SYT15: variants seen among roughly 807,000 people sequenced by gnomAD.
SYT15 encodes the protein synaptotagmin 15.
Under a neutral mutation model 30.1 loss-of-function variants are expected in SYT15, and 4 were observed. That is an observed-to-expected ratio of 0.13 (90% CI 0.07 to 0.30). SYT15 has a LOEUF of 0.30. Ranked by LOEUF, SYT15 falls within the 10% of genes least tolerant of loss-of-function variation. The pLI is 1.00. For missense variants in SYT15, 49 were observed against 371.7 expected (o/e 0.13, Z 7.14); for synonymous variants, 19 against 166.3 (o/e 0.11, Z 6.82).
At chr10:46,586,503 A>G (rs1844954201) in intron 7 of SYT15, among the ~76,000 whole-genome samples, 1 of 95,738 alleles carries the variant, frequency 1.0e-5, no homozygotes, top group Admixed American at 1.0e-4. Flanking sequence ...CCGAGATCGC[A>G]CCACTGCATT....
chr10:46,591,885 A>AT lies in SYT15; in HGVS notation c.*4245dup, dbSNP rs1211754769. 8 of 139,774 alleles carry AT rather than the reference A, an allele frequency of 5.7e-5. No homozygotes were observed. The highest frequency in any genetic ancestry group is 2.0e-4 in the African/African-American group (7 of 35,190). 8.7% of individuals were successfully genotyped at this position (139,774 alleles called of 1,614,324 possible). A position where few individuals can be genotyped will look rare whatever the true frequency, so the allele number is the denominator to read the frequency against. On this transcript the variant is annotated 3_prime_UTR_variant, in exon 8 of 8. Coordinates refer to ENST00000374321, the MANE Select transcript of SYT15 (RefSeq NM_031912.5). The stretch of plus-strand genomic sequence containing the variant: ...GGCTTTCTCTACCACTCACAATGGT[A>AT]TTTTTTTCACTTTCCCCCTTATTTT...
rs1844994255 is a variant in SYT15 at position 46,586,714 on chromosome 10, G to A, written c.1124-791G>A. ...ACAAAAGTTAGCTAGGCGTGGTGGT[G>A]CACGCCTGTAGGCCCAACTACTCGG... is the stretch of plus-strand genomic sequence containing the variant. On this transcript the variant is annotated intron_variant, in intron 7 of 7. Transcript: ENST00000374321. 1.5e-5 allele frequency among the ~76,000 whole-genome samples: 2 copies of A among 129,600 alleles called. 1 individual carries two copies. The highest frequency in any genetic ancestry group is 5.2e-4 in the South Asian group (2 of 3,850). 85.0% of individuals were successfully genotyped at this position (129,600 alleles called of 152,430 possible).
intron 6 of SYT15, among the ~76,000 whole-genome samples, chr10:46,584,875 CT>C (rs1173835099): frequency 8.3e-6 from 1 of 120,360 alleles, no homozygotes; most frequent in Non-Finnish European, 1.7e-5. Context: ...GGCCCTGCCC[CT>C]CCTGTTTCCC....
Position 46,591,468 on chromosome 10 carries a change from GTAAA to G in SYT15, c.*3834_*3837del, listed in dbSNP as rs562445049. ...AAGTATAAACAAAAAAATAAAATAA[GTAAA>G]TAAATAAATAAAATTTAGATTAATT... On this transcript the variant is annotated 3_prime_UTR_variant, in exon 8 of 8. Coordinates refer to ENST00000374321, the MANE Select transcript of SYT15 (RefSeq NM_031912.5). 0.042 allele frequency: 4,237 copies of G among 100,684 alleles called. 254 individuals are homozygous for G. The highest frequency in any genetic ancestry group is 0.057 in the Non-Finnish European group (2,927 of 51,134). 6.2% of individuals were successfully genotyped at this position (100,684 alleles called of 1,614,324 possible). A position where few individuals can be genotyped will look rare whatever the true frequency, so the allele number is the denominator to read the frequency against.
In SYT15 at chr10:46,590,990, C is replaced by T. The variant is rs532486108; in HGVS notation, c.*3343C>T. The stretch of plus-strand genomic sequence containing the variant: ...TTGTGTGTGTGCGCAGGTTTATACA[C>T]ATAAACACAACAATACTTGGACTTA... On this transcript the variant is annotated 3_prime_UTR_variant, in exon 8 of 8. Coordinates refer to ENST00000374321, the MANE Select transcript of SYT15 (RefSeq NM_031912.5). The T allele has an allele frequency of 7.0e-6, 1 of 143,748 alleles. No homozygotes were observed. Among genetic ancestry groups the T allele is most frequent in the African/African-American group, 2.7e-5 (1 of 36,954 alleles). The allele number at this position is 143,748 out of a possible 1,614,324, so 8.9% of individuals were successfully genotyped here.
rs368995487 is a variant in SYT15, at chr10:46,580,200, GGCTGCT to G, written c.55_60del (p.Leu20_Leu21del). 1.0e-5 allele frequency: 12 copies of G among 1,170,806 alleles called. No homozygotes were observed. Among genetic ancestry groups the G allele is most frequent in the Middle Eastern group, 2.1e-4 (1 of 4,696 alleles). The allele number at this position is 1,170,806 out of a possible 1,614,324, so 72.5% of individuals were successfully genotyped here. A position where few individuals can be genotyped will look rare whatever the true frequency, so the allele number is the denominator to read the frequency against. On this transcript the variant is annotated inframe_deletion, in exon 2 of 8. Transcript: ENST00000374321. ...CTGGTGATTGGGGGCACCATCGGGG[GGCTGCT>G]GCTGCTGCTGTTGATCGGGGCAAGC...
downstream of SYT15, among the ~76,000 whole-genome samples, chr10:46,594,801 A>T (rs564630648): frequency 2.6e-3 from 277 of 104,962 alleles, 6 homozygotes; most frequent in East Asian, 0.04. Flanking sequence ...AAAACTTTTT[A>T]AAAAAGTTTT....
At chr10:46,594,738 T>C (rs1214576224), downstream of SYT15, among the ~76,000 whole-genome samples, 2 of 113,290 alleles carry the variant, frequency 1.8e-5, no homozygotes, top group African/African-American at 4.0e-5. Context: ...CTTGTGTTTT[T>C]CTTCTTTTGA....
downstream of SYT15, chr10:46,593,460 C>A (rs1334389946): frequency 2.0e-5 from 3 of 147,886 alleles, no homozygotes; most frequent in Admixed American, 6.7e-5. Context: ...GGCATGGTGG[C>A]GCGTGCCTGT....
rs201532217 is a variant in SYT15, at chr10:46,581,976, G to C, written c.436G>C (p.Gly146Arg). ...EDKSETDFPD[G>R]CLGRLWFSVE... is the part of the protein sequence containing the mutation. ...CAAAAGTGAGACCGACTTCCCCGAC[G>C]GCTGCCTGGGGCGGCTGTGGTTCTC... Residue 146 changes from glycine to arginine, a missense_variant, in exon 4 of 8, where the codon GGC (glycine) becomes CGC (arginine). By Grantham distance (125) the Gly-to-Arg change is moderately radical (BLOSUM62 -2). Transcript: ENST00000374321. The C allele has an allele frequency of 5.1e-4, 799 of 1,573,070 alleles. 21 individuals are homozygous for C. Among genetic ancestry groups the C allele is most frequent in the Non-Finnish European group, 1.9e-4 (219 of 1,159,118 alleles).
Position 46,583,920 on chromosome 10 carries a change from A to G in SYT15, c.822+18A>G, listed in dbSNP as rs201241115. 25 of 1,515,290 alleles carry G rather than the reference A, an allele frequency of 1.6e-5. No homozygotes were observed. The highest frequency in any genetic ancestry group is 2.2e-5 in the Non-Finnish European group (25 of 1,125,728). 93.9% of individuals were successfully genotyped at this position (1,515,290 alleles called of 1,614,324 possible). On this transcript the variant is annotated intron_variant, in intron 5 of 7. Transcript: ENST00000374321. Reference sequence around the variant, plus strand: ...GCCTGGAGGTATGGTCAAGGTCACCATGCCTATGCCACTGAGCATCAGCTG... The same window carrying G: ...GCCTGGAGGTATGGTCAAGGTCACCGTGCCTATGCCACTGAGCATCAGCTG...
At chr10:46,580,680 CTGTGTG>C (rs10588659) in intron 2 of SYT15, among the ~76,000 whole-genome samples, 48,945 of 125,116 alleles carry the variant, frequency 0.39, 10,687 homozygotes, top group Non-Finnish European at 0.43. Context: ...AATCCCACTG[CTGTGTG>C]TGTGTGTGTG....
chr10:46,595,113 G>A (rs1448248472), downstream of SYT15, among the ~76,000 whole-genome samples: 1 of 131,076 alleles, frequency 7.6e-6, no homozygotes, highest in Non-Finnish European at 1.6e-5. Context: ...GAGGTGGTCT[G>A]AGCTAGGGTA....
At chr10:46,596,267 G>T (rs1245404485), downstream of SYT15, 2 of 152,030 alleles carry the variant, frequency 1.3e-5, no homozygotes, top group East Asian at 3.8e-4. Flanking sequence ...TGCCAGTTAC[G>T]TTTTTTCTAT....
At chr10:46,584,381 C>G (rs797022878) in intron 5 of SYT15, 114 bp from the exon 6 acceptor site, 5 of 1,275,896 alleles carry the variant, frequency 3.9e-6, no homozygotes, top group East Asian at 2.5e-5. Context: ...GGGGACCATG[C>G]GGGTGTGTCG....
rs1555043359 is a variant in SYT15 at position 46,590,759 on chromosome 10, C to A, written c.*3112C>A. 1 of 135,992 alleles carries A rather than the reference C, an allele frequency of 7.4e-6. No homozygotes were observed. The highest frequency in any genetic ancestry group is 2.1e-4 in the East Asian group (1 of 4,706). 8.4% of individuals were successfully genotyped at this position (135,992 alleles called of 1,614,324 possible). On this transcript the variant is annotated 3_prime_UTR_variant, in exon 8 of 8. Coordinates refer to ENST00000374321, the MANE Select transcript of SYT15 (RefSeq NM_031912.5). ...GTTGTTATAGGATTTTTAATGTACT[C>A]ATTAACATATATTCTCAAGCTGTTA...
chr10:46,588,288 ACC>A lies in SYT15; in HGVS notation c.*643_*644del. 2.0e-6 allele frequency: 2 copies of A among 985,518 alleles called. No individual in the cohort carries two copies. Among genetic ancestry groups the A allele is most frequent in the East Asian group, 1.1e-4 (1 of 8,820 alleles). 61.0% of individuals were successfully genotyped at this position (985,518 alleles called of 1,614,324 possible). ...ATTGTGTCAAGTCTGCCCATGGCCC[ACC>A]CTCCCCACAGTCCAAAACCACACAG... On this transcript the variant is annotated 3_prime_UTR_variant, in exon 8 of 8. Transcript: ENST00000374321.
chr10:46,594,538 A>G (rs1845598048), downstream of SYT15, among the ~76,000 whole-genome samples: 1 of 141,230 alleles, frequency 7.1e-6, no homozygotes, highest in Non-Finnish European at 1.5e-5. Flanking sequence ...CTTCTACATG[A>G]TATCTCGGCC....
chr10:46,586,373 C>T lies in SYT15; in HGVS notation c.1123+596C>T, dbSNP rs567846739. Among the ~76,000 whole-genome samples the T allele has an allele frequency of 6.2e-5, 8 of 128,538 alleles. 2 individuals carry two copies. In the South Asian group the frequency reaches 7.5e-4, roughly 12 times the overall value. 84.3% of individuals were successfully genotyped at this position (128,538 alleles called of 152,430 possible). On this transcript the variant is annotated intron_variant, in intron 7 of 7. Coordinates refer to ENST00000374321, the MANE Select transcript of SYT15 (RefSeq NM_031912.5). ...CGTCCTGGCTAACACAGTGAAACCACGTCTCTACTAAAAATACAAAAAATT... is the reference window on the plus strand; with the variant it reads ...CGTCCTGGCTAACACAGTGAAACCATGTCTCTACTAAAAATACAAAAAATT...
Sources: allele counts gnomAD v4.1 joint callset (sites outside exome capture counted in the v4.1 genomes callset), GRCh38; gene constraint gnomAD v4.1.1; transcripts MANE v1.5; gene names NCBI Gene and HGNC (gene_info 2026-07-23, HGNC 2026-07-21).